The following YAP1 variants were observed in gnomAD, a reference collection of about 807,000 sequenced individuals.
YAP1 encodes transcriptional coactivator YAP1.
In YAP1, 5 loss-of-function variants were observed where a neutral mutation model predicts 56.9. That is an observed-to-expected ratio of 0.09 (90% CI 0.05 to 0.18). The LOEUF is 0.18. Among genes scored for constraint, YAP1 ranks in the 10% least tolerant of loss-of-function variants. The pLI, the probability that YAP1 is intolerant of heterozygous loss-of-function variation, is 1.00. For missense variants in YAP1, 539 were observed against 651.8 expected (o/e 0.83, Z 1.88); for synonymous variants, 265 against 248.1 (o/e 1.07, Z -0.64).
chr11:102,152,433 G>C (rs4754040), intron 2 of YAP1, among the ~76,000 whole-genome samples: 12,354 of 152,154 alleles, frequency 0.081, 798 homozygotes, highest in African/African-American at 0.16. Flanking sequence ...CTGTAGATTC[G>C]CCTCGATTTG....
chr11:102,167,245 G>C (rs1195699470), intron 3 of YAP1, among the ~76,000 whole-genome samples: 1 of 152,140 alleles, frequency 6.6e-6, no homozygotes, highest in East Asian at 1.9e-4. Context: ...TGCCATTTAA[G>C]TGGCAGGGTA....
At chr11:102,205,364 A>T (rs1204008067) in intron 4 of YAP1, among the ~76,000 whole-genome samples, 1 of 152,034 alleles carries the variant, frequency 6.6e-6, no homozygotes, top group Non-Finnish European at 1.5e-5. Flanking sequence ...GCTTTGTCTT[A>T]ATTTTTGTGG....
At position 102,115,348 on chromosome 11, in the gene YAP1, T is replaced by G. The variant is rs1190618240; in HGVS notation, c.572+954T>G. Among the ~76,000 whole-genome samples the G allele has an allele frequency of 2.0e-5, 3 of 152,202 alleles. No homozygotes were observed. The East Asian group carries it at 5.8e-4, about 29-fold the overall frequency. ...TGTAAGTTTTGATTCGGATAGGTCT[T>G]GACAGTCTACTCCTAAGGCAAATGT... On this transcript the variant is annotated intron_variant, in intron 2 of 8. Transcript: ENST00000282441.
At chr11:102,167,634 T>C (rs1946682442) in intron 3 of YAP1, among the ~76,000 whole-genome samples, 1 of 152,152 alleles carries the variant, frequency 6.6e-6, no homozygotes, top group African/African-American at 2.4e-5. Flanking sequence ...CTCCGGAGGC[T>C]GAGGCAGGAG....
At chr11:102,150,802 G>GTTTTTTTTTTTT (rs370378973) in intron 2 of YAP1, among the ~76,000 whole-genome samples, 7 of 108,042 alleles carry the variant, frequency 6.5e-5, no homozygotes, top group Non-Finnish European at 7.4e-5. Context: ...CATACAAATG[G>GTTTTTTTTTTTT]TTTTTTTTTT....
intron 6 of YAP1, among the ~76,000 whole-genome samples, chr11:102,218,755 A>T (rs1283482968): frequency 6.6e-6 from 1 of 152,182 alleles, no homozygotes; most frequent in Non-Finnish European, 1.5e-5. Flanking sequence ...ACTTGGAATG[A>T]TTTCCCTGCT....
intron 3 of YAP1, among the ~76,000 whole-genome samples, chr11:102,177,206 T>C (rs763552778): frequency 2.6e-5 from 4 of 152,108 alleles, no homozygotes; most frequent in African/African-American, 9.7e-5. Context: ...AGATAGAGCC[T>C]GGCATGTTGG....
At chr11:102,227,823 T>G (rs1591481017) in intron 8 of YAP1, among the ~76,000 whole-genome samples, 1 of 152,136 alleles carries the variant, frequency 6.6e-6, no homozygotes, top group Non-Finnish European at 1.5e-5. Context: ...AATTCCAGCA[T>G]TTTGGGAGGC....
At chr11:102,151,654 G>A (rs1206337134) in intron 2 of YAP1, among the ~76,000 whole-genome samples, 2 of 152,120 alleles carry the variant, frequency 1.3e-5, no homozygotes, top group African/African-American at 2.4e-5. Flanking sequence ...TCATTTTGAT[G>A]TCAGCAGTAC....
rs1040887196 is a variant in YAP1, at chr11:102,181,386, C to T, written c.689-4632C>T. The stretch of plus-strand genomic sequence containing the variant: ...GCGTGAACCCGGGAGGCGGAGCTTG[C>T]AGTGAGCCGAGATTGCGCCACTGCA... On this transcript the variant is annotated intron_variant, in intron 3 of 8. Coordinates refer to ENST00000282441, the MANE Select transcript of YAP1 (RefSeq NM_001130145.3). Among the ~76,000 whole-genome samples the T allele has an allele frequency of 2.0e-5, 3 of 152,212 alleles. No homozygotes were observed. In the South Asian group the frequency reaches 6.2e-4, roughly 32 times the overall value.
chr11:102,116,535 C>T (rs898180956), intron 2 of YAP1, among the ~76,000 whole-genome samples: 6 of 152,124 alleles, frequency 3.9e-5, no homozygotes, highest in African/African-American at 1.4e-4. Context: ...ATATACCTTC[C>T]AACCCCAGTC....
chr11:102,177,268 C>T (rs1353092528), intron 3 of YAP1, among the ~76,000 whole-genome samples: 2 of 152,068 alleles, frequency 1.3e-5, no homozygotes, highest in Non-Finnish European at 2.9e-5. Context: ...TAGAGGATAA[C>T]CCACTAAAAA....
At chr11:102,149,616 G>A (rs1041763138) in intron 2 of YAP1, among the ~76,000 whole-genome samples, 7 of 152,148 alleles carry the variant, frequency 4.6e-5, no homozygotes, top group African/African-American at 1.7e-4. Flanking sequence ...ACTTGTTATT[G>A]CTGAGTATAG....
intron 5 of YAP1, among the ~76,000 whole-genome samples, chr11:102,208,458 A>G (rs113434539): frequency 1.8e-3 from 267 of 152,320 alleles, no homozygotes; most frequent in Non-Finnish European, 2.9e-3. Flanking sequence ...TTTGGCCCCT[A>G]TAAAGTGATC....
At chr11:102,203,218 G>T (rs1444448996) in intron 4 of YAP1, among the ~76,000 whole-genome samples, 3 of 152,118 alleles carry the variant, frequency 2.0e-5, no homozygotes, top group Non-Finnish European at 2.9e-5. Context: ...AACGCTGCTA[G>T]GTGCTCTTCC....
At chr11:102,158,559 C>G (rs1946085804) in intron 2 of YAP1, among the ~76,000 whole-genome samples, 1 of 152,106 alleles carries the variant, frequency 6.6e-6, no homozygotes. Flanking sequence ...GTGCTGCTGG[C>G]CCAAGGCCCA....
chr11:102,228,629 C>G (rs1407605831), intron 8 of YAP1, among the ~76,000 whole-genome samples: 1 of 75,044 alleles, frequency 1.3e-5, no homozygotes, highest in African/African-American at 5.0e-5. Flanking sequence ...AGCAAGACTC[C>G]GTCTCAAAAA....
chr11:102,180,197 TG>T (rs1271820505), intron 3 of YAP1, among the ~76,000 whole-genome samples: 1 of 151,706 alleles, frequency 6.6e-6, no homozygotes, highest in Non-Finnish European at 1.5e-5. Flanking sequence ...TTAGTAGAGA[TG>T]GGGTTTCACC....
At chr11:102,185,427 A>G (rs991784728) in intron 3 of YAP1, among the ~76,000 whole-genome samples, 3 of 151,576 alleles carry the variant, frequency 2.0e-5, no homozygotes, top group Admixed American at 2.0e-4. Context: ...TGCAACCCCA[A>G]CCCATTAGCA....
Sources: allele counts gnomAD v4.1 joint callset (sites outside exome capture counted in the v4.1 genomes callset), GRCh38; gene constraint gnomAD v4.1.1; transcripts MANE v1.5; gene names NCBI Gene and HGNC (gene_info 2026-07-23, HGNC 2026-07-21).